The following FBXL17 variants were observed in gnomAD, a reference collection of about 807,000 sequenced individuals.
The protein encoded by FBXL17 is F-box and leucine rich repeat protein 17, also known as F-box/LRR-repeat protein 17.
In FBXL17, 22 loss-of-function variants were observed where a neutral mutation model predicts 66.2. That is an observed-to-expected ratio of 0.33 (90% confidence interval 0.24 to 0.47). FBXL17 has a LOEUF of 0.47. Ranked by LOEUF, FBXL17 falls within the 20% of genes least tolerant of loss-of-function variation. FBXL17 has a pLI of 1.00. For missense variants in FBXL17, 878 were observed against 948.2 expected (o/e 0.93, Z 0.97); for synonymous variants, 474 against 400.5 (o/e 1.18, Z -2.19).
At chr5:107,960,106 T>C (rs1751833648) in intron 7 of FBXL17, among the ~76,000 whole-genome samples, 1 of 152,186 alleles carries the variant, frequency 6.6e-6, no homozygotes, top group African/African-American at 2.4e-5. Context: ...TCTCAGTTCC[T>C]TTTTATTTTT....
chr5:108,378,769 T>C (rs1191699694), intron 1 of FBXL17, among the ~76,000 whole-genome samples: 1 of 152,216 alleles, frequency 6.6e-6, no homozygotes, highest in African/African-American at 2.4e-5. Flanking sequence ...AGCGCTACTA[T>C]ATGCCAGACA....
intron 6 of FBXL17, among the ~76,000 whole-genome samples, chr5:108,141,781 C>T (rs974818887): frequency 3.3e-5 from 5 of 152,184 alleles, no homozygotes; most frequent in Admixed American, 1.3e-4. Context: ...TCAGACTATA[C>T]GTTGTTCTGT....
Position 108,101,863 on chromosome 5 carries a change from T to C in FBXL17, c.1746-80862A>G, listed in dbSNP as rs77299121. Among the ~76,000 whole-genome samples the C allele has an allele frequency of 6.3e-3, 960 of 152,280 alleles. 8 individuals are homozygous for C. The highest frequency in any genetic ancestry group is 0.022 in the African/African-American group (920 of 41,546). ...ACTGTACAGGGCATGCCACTTAAGTTTGGGAGAAATGCTAAGGATATACTT... is the reference window on the plus strand; with the variant it reads ...ACTGTACAGGGCATGCCACTTAAGTCTGGGAGAAATGCTAAGGATATACTT... On this transcript the variant is annotated intron_variant, in intron 6 of 8. Transcript: ENST00000542267.
intron 8 of FBXL17, among the ~76,000 whole-genome samples, chr5:107,871,068 A>AAAAAAAAAAAAAAC (rs1561511887): frequency 1.6e-5 from 2 of 123,906 alleles, no homozygotes; most frequent in African/African-American, 7.0e-5. Context: ...AAAAAAAAAA[A>AAAAAAAAAAAAAAC]AAAAAAAAAA....
chr5:108,299,153 T>C, intron 4 of FBXL17: 1 of 980,900 alleles, frequency 1.0e-6, no homozygotes, highest in South Asian at 4.7e-5. Flanking sequence ...TCTGTCAAGA[T>C]TCTATCAAGT....
At chr5:108,312,260 T>C (rs1290363768) in intron 4 of FBXL17, among the ~76,000 whole-genome samples, 1 of 152,116 alleles carries the variant, frequency 6.6e-6, no homozygotes, top group African/African-American at 2.4e-5. Context: ...AACACAATTT[T>C]TAAAAAATTA....
chr5:108,047,900 G>A (rs1459996536), intron 6 of FBXL17, among the ~76,000 whole-genome samples: 2 of 152,168 alleles, frequency 1.3e-5, no homozygotes. Context: ...CCAGACAAAT[G>A]GGGTTCCCCC....
At chr5:108,299,247 A>G (rs1758478107) in intron 4 of FBXL17, 2 of 985,122 alleles carry the variant, frequency 2.0e-6, no homozygotes, top group African/African-American at 3.5e-5. Context: ...ATCTGCACCT[A>G]GTTTAAAGCG....
intron 6 of FBXL17, among the ~76,000 whole-genome samples, chr5:108,079,940 A>C (rs1215422239): frequency 6.6e-6 from 1 of 152,214 alleles, no homozygotes; most frequent in African/African-American, 2.4e-5. Context: ...TGTTCACTTC[A>C]ACCTAATGCC....
intron 6 of FBXL17, among the ~76,000 whole-genome samples, chr5:108,081,189 G>A (rs1405053629): frequency 2.0e-5 from 3 of 151,888 alleles, no homozygotes; most frequent in Non-Finnish European, 4.4e-5. Flanking sequence ...TGTTAATGCT[G>A]GTCAGTTGTG....
At chr5:107,998,970 G>A (rs908487660) in intron 7 of FBXL17, among the ~76,000 whole-genome samples, 4 of 152,072 alleles carry the variant, frequency 2.6e-5, no homozygotes, top group South Asian at 2.1e-4. Flanking sequence ...TACTGAAGGC[G>A]AATACCATGC....
intron 6 of FBXL17, among the ~76,000 whole-genome samples, chr5:108,022,684 T>G (rs1393032581): frequency 1.3e-5 from 2 of 152,106 alleles, no homozygotes; most frequent in Admixed American, 1.3e-4. Flanking sequence ...AAGTGCAATA[T>G]CCTATTTATC....
chr5:108,372,191 T>G (rs1204937471), intron 1 of FBXL17, among the ~76,000 whole-genome samples: 1 of 152,060 alleles, frequency 6.6e-6, no homozygotes, highest in African/African-American at 2.4e-5. Context: ...AACATCAAAA[T>G]CCCTTGAACC....
At chr5:107,917,096 G>T (rs1293921704) in intron 7 of FBXL17, among the ~76,000 whole-genome samples, 1 of 152,062 alleles carries the variant, frequency 6.6e-6, no homozygotes, top group African/African-American at 2.4e-5. Flanking sequence ...CTTTTACCCT[G>T]TTAACTTGCA....
chr5:108,147,588 C>A (rs1387855250), intron 6 of FBXL17, among the ~76,000 whole-genome samples: 1 of 152,100 alleles, frequency 6.6e-6, no homozygotes, highest in Non-Finnish European at 1.5e-5. Context: ...GGAAATAACA[C>A]ATATGTAATT....
intron 7 of FBXL17, among the ~76,000 whole-genome samples, chr5:107,973,288 T>C (rs1561346707): frequency 6.6e-6 from 1 of 152,142 alleles, no homozygotes; most frequent in Non-Finnish European, 1.5e-5. Context: ...CAGTCTAGGA[T>C]GGCTTTGAAT....
At chr5:107,885,273 G>T (rs2112507820) in intron 7 of FBXL17, among the ~76,000 whole-genome samples, 1 of 152,304 alleles carries the variant, frequency 6.6e-6, no homozygotes, top group Non-Finnish European at 1.5e-5. Flanking sequence ...CTGTAGTTCA[G>T]TAACTTGTGT....
intron 7 of FBXL17, among the ~76,000 whole-genome samples, chr5:108,014,166 A>C (rs1281071737): frequency 6.6e-6 from 1 of 152,178 alleles, no homozygotes; most frequent in Non-Finnish European, 1.5e-5. Flanking sequence ...TACCTATAGA[A>C]GACTGTTTCA....
intron 7 of FBXL17, among the ~76,000 whole-genome samples, chr5:107,917,934 A>T (rs1750185958): frequency 6.6e-6 from 1 of 152,204 alleles, no homozygotes; most frequent in Non-Finnish European, 1.5e-5. Flanking sequence ...AGATTATTGA[A>T]TTTACCTTCC....
Sources: allele counts gnomAD v4.1 joint callset (sites outside exome capture counted in the v4.1 genomes callset), GRCh38; gene constraint gnomAD v4.1.1; transcripts MANE v1.5; gene names NCBI Gene and HGNC (gene_info 2026-07-23, HGNC 2026-07-21).